The following TMLHE variants were observed in gnomAD, a reference collection of about 807,000 sequenced individuals.
TMLHE encodes the protein trimethyllysine dioxygenase, mitochondrial.
TMLHE carries 18 observed loss-of-function variants against 25.7 expected under a neutral mutation model. The observed-to-expected ratio is 0.70, with a 90% CI of 0.48 to 1.04. TMLHE has a LOEUF of 1.04. Ranked by LOEUF, TMLHE falls within the 50% of genes least tolerant of loss-of-function variation. TMLHE has a pLI of 0.00. For synonymous variants in TMLHE, 105 were observed against 97.0 expected (o/e 1.08, Z -0.49); for missense variants, 236 against 259.0 (o/e 0.91, Z 0.61).
intron 1 of TMLHE, among the ~76,000 whole-genome samples, chrX:155,596,868 CT>C (rs1242892419): frequency 5.5e-5 from 6 of 109,398 alleles, no homozygotes; most frequent in Non-Finnish European, 9.6e-5. Flanking sequence ...CTCAGTGTTT[CT>C]TTTTTTTTAA....
chrX:155,514,772 A>G (rs1356211458), intron 3 of TMLHE, among the ~76,000 whole-genome samples: 2 of 111,598 alleles, frequency 1.8e-5, no homozygotes. Context: ...TGCTGCTACA[A>G]GTTCAGTACT....
chrX:155,599,588 AT>A (rs1205722126), intron 1 of TMLHE, among the ~76,000 whole-genome samples: 2 of 112,329 alleles, frequency 1.8e-5, no homozygotes, highest in Admixed American at 9.5e-5. Flanking sequence ...CTCTCAGTAA[AT>A]TAGGCATAGA....
chrX:155,605,454 AAAG>A lies in TMLHE; in HGVS notation c.-2+7335_-2+7337del, dbSNP rs201380504. 6.8e-3 allele frequency among the ~76,000 whole-genome samples: 757 copies of A among 112,137 alleles called. 6 individuals are homozygous for A. Among genetic ancestry groups the A allele is most frequent in the African/African-American group, 0.023 (719 of 30,889 alleles). On this transcript the variant is annotated intron_variant, in intron 1 of 7. Coordinates refer to ENST00000334398, the MANE Select transcript of TMLHE (RefSeq NM_018196.4). Reference sequence around the variant, plus strand: ...GGCCTAGATTCAGCATTCTTAAAGAAAAGAAACTCCAACCAAGAATTTCATATC... The same window carrying A: ...GGCCTAGATTCAGCATTCTTAAAGAAAAACTCCAACCAAGAATTTCATATC...
chrX:155,557,135 C>T (rs1408689934), intron 1 of TMLHE, among the ~76,000 whole-genome samples: 4 of 111,593 alleles, frequency 3.6e-5, no homozygotes, highest in African/African-American at 6.5e-5. Context: ...GGTCCTGAGA[C>T]GATATACATC....
At chrX:155,549,324 G>C (rs1426420073) in intron 1 of TMLHE, among the ~76,000 whole-genome samples, 1 of 110,451 alleles carries the variant, frequency 9.1e-6, no homozygotes, top group Non-Finnish European at 1.9e-5. Flanking sequence ...CTAGTTTCAT[G>C]ATTAAGTATG....
chrX:155,535,441 G>A (rs1244313965), intron 2 of TMLHE, among the ~76,000 whole-genome samples: 4 of 111,728 alleles, frequency 3.6e-5, no homozygotes, highest in Non-Finnish European at 3.8e-5. Flanking sequence ...GAGATAGAAT[G>A]TGCTCTCTCT....
At chrX:155,548,535 G>GCGGATCATGAGGTCAGGAGTTTGAGA (rs1557339340) in intron 1 of TMLHE, among the ~76,000 whole-genome samples, 1 of 109,143 alleles carries the variant, frequency 9.2e-6, no homozygotes, top group East Asian at 2.9e-4. Context: ...GCAGTATGAG[G>GCGGATCATGAGGTCAGGAGTTTGAGA]CCAGCCTGAC....
intron 1 of TMLHE, among the ~76,000 whole-genome samples, chrX:155,558,443 ATGCTGG>A (rs1557341207): frequency 1.5e-4 from 17 of 111,953 alleles, no homozygotes; most frequent in Non-Finnish European, 2.4e-4. Context: ...CCCCCTAATA[ATGCTGG>A]ATGTTCCTCA....
intron 1 of TMLHE, among the ~76,000 whole-genome samples, chrX:155,557,365 C>A (rs1047222205): frequency 8.9e-6 from 1 of 112,047 alleles, no homozygotes; most frequent in Non-Finnish European, 1.9e-5. Context: ...TGGCTTCAGC[C>A]GGTCCCTCCG....
At position 155,562,289 on chromosome X, in the gene TMLHE, G is replaced by A. The variant is rs1395365178; in HGVS notation, c.-1-17012C>T. ...TGGGGCTTGCATCCTCTGAAGCAATGTACCATGGCCCCTTTAAGCCACAGT... is the reference window on the plus strand; with the variant it reads ...TGGGGCTTGCATCCTCTGAAGCAATATACCATGGCCCCTTTAAGCCACAGT... On this transcript the variant is annotated intron_variant, in intron 1 of 7. Coordinates refer to ENST00000334398, the MANE Select transcript of TMLHE (RefSeq NM_018196.4). 9.7e-5 allele frequency among the ~76,000 whole-genome samples: 6 copies of A among 62,075 alleles called. 1 individual carries two copies. The highest frequency in any genetic ancestry group is 2.1e-4 in the African/African-American group (6 of 27,972). 53.9% of individuals were successfully genotyped at this position (62,075 alleles called of 115,157 possible).
At chrX:155,515,992 T>A (rs2067150509) in intron 3 of TMLHE, among the ~76,000 whole-genome samples, 1 of 97,021 alleles carries the variant, frequency 1.0e-5, no homozygotes, top group Admixed American at 1.2e-4. Context: ...ATTTTTCTAT[T>A]GGAACAATTG....
At chrX:155,603,766 T>C (rs184409055) in intron 1 of TMLHE, among the ~76,000 whole-genome samples, 1 of 111,642 alleles carries the variant, frequency 9.0e-6, no homozygotes, top group East Asian at 2.8e-4. Flanking sequence ...ATACACAAAA[T>C]AACACAGAAT....
chrX:155,548,535 G>GCATCATAAAGGCAAA (rs1557339340), intron 1 of TMLHE, among the ~76,000 whole-genome samples: 1 of 109,143 alleles, frequency 9.2e-6, no homozygotes, highest in Non-Finnish European at 1.9e-5. Context: ...GCAGTATGAG[G>GCATCATAAAGGCAAA]CCAGCCTGAC....
At chrX:155,594,769 A>C (rs1557346355) in intron 1 of TMLHE, among the ~76,000 whole-genome samples, 1 of 111,863 alleles carries the variant, frequency 8.9e-6, no homozygotes, top group African/African-American at 3.2e-5. Context: ...TATATGTGAT[A>C]AAAGTTAAGT....
chrX:155,541,493 C>CTGCAATAAACATATGTG (rs1441694168), intron 2 of TMLHE, among the ~76,000 whole-genome samples: 2 of 111,482 alleles, frequency 1.8e-5, no homozygotes, highest in African/African-American at 6.5e-5. Context: ...GTGAACAGTG[C>CTGCAATAAACATATGTG]TGCAATAAAC....
chrX:155,567,633 G>A lies in TMLHE; in HGVS notation c.-1-22356C>T, dbSNP rs1557342265. ...CCGACAAAATCATACAACAAATTGAGAAGTATTAATTCAAGAAAAACTATT... is the reference window on the plus strand; with the variant it reads ...CCGACAAAATCATACAACAAATTGAAAAGTATTAATTCAAGAAAAACTATT... On this transcript the variant is annotated intron_variant, in intron 1 of 7. Transcript: ENST00000334398. 3.2e-5 allele frequency among the ~76,000 whole-genome samples: 2 copies of A among 62,000 alleles called. 1 individual carries two copies. Among genetic ancestry groups the A allele is most frequent in the Non-Finnish European group, 9.0e-5 (2 of 22,158 alleles). The allele number at this position is 62,000 out of a possible 115,157, so 53.8% of individuals were successfully genotyped here.
intron 1 of TMLHE, among the ~76,000 whole-genome samples, chrX:155,603,921 T>G (rs920042255): frequency 1.8e-5 from 2 of 112,335 alleles, no homozygotes; most frequent in Non-Finnish European, 3.8e-5. Flanking sequence ...ACTTGGACTT[T>G]ATCAAAAATA....
At chrX:155,516,048 G>A (rs2067152767) in intron 3 of TMLHE, among the ~76,000 whole-genome samples, 1 of 49,168 alleles carries the variant, frequency 2.0e-5, no homozygotes, top group Non-Finnish European at 3.8e-5. Flanking sequence ...CTAAGTTTTA[G>A]GGTACATGTG....
Position 155,522,243 on chromosome X carries a change from T to C in TMLHE, c.358+2213A>G, listed in dbSNP as rs782341310. On this transcript the variant is annotated intron_variant, in intron 3 of 7. Coordinates refer to ENST00000334398, the MANE Select transcript of TMLHE (RefSeq NM_018196.4). ...TTTTTTCCTCCAATGCTTTTTCTTT[T>C]AACTTTTTTATTTGGAGATAATAGA... 1.2e-4 allele frequency among the ~76,000 whole-genome samples: 13 copies of C among 112,122 alleles called. No individual in the cohort carries two copies. The South Asian group carries it at 4.8e-3, about 41-fold the overall frequency.
Sources: allele counts gnomAD v4.1 joint callset (sites outside exome capture counted in the v4.1 genomes callset), GRCh38; gene constraint gnomAD v4.1.1; transcripts MANE v1.5; gene names NCBI Gene and HGNC (gene_info 2026-07-23, HGNC 2026-07-21).